Variants in NOP9 observed in about 807,000 individuals in gnomAD.
The protein encoded by NOP9 is NOP9 nucleolar protein.
A neutral mutation model predicts 63.0 loss-of-function variants in NOP9; 50 were observed. The ratio of observed to expected loss-of-function variants is 0.79; its 90% CI spans 0.63 to 1.00. The LOEUF is 1.00. Among genes scored for constraint, NOP9 ranks in the 50% least tolerant of loss-of-function variants. The probability of loss-of-function intolerance (pLI) is 0.00; values close to 1 mark genes in which losing one functional copy is unlikely to be tolerated. For missense variants in NOP9, 758 were observed against 803.0 expected (o/e 0.94, Z 0.68); for synonymous variants, 343 against 332.8 (o/e 1.03, Z -0.33).
rs374035938 is a variant in NOP9, at chr14:24,305,907, A to C, written c.*812A>C. Reference sequence around the variant, plus strand: ...GAGGACGAATTATGGGGACTATCCAACTGTAGGGGATGGGGCAGTATGACA... The same window carrying C: ...GAGGACGAATTATGGGGACTATCCACCTGTAGGGGATGGGGCAGTATGACA... On this transcript the variant is annotated 3_prime_UTR_variant, in exon 10 of 10. Coordinates refer to ENST00000267425, the MANE Select transcript of NOP9 (RefSeq NM_174913.3). 3.8e-6 allele frequency: 6 copies of C among 1,597,304 alleles called. No homozygotes were observed. Among genetic ancestry groups the C allele is most frequent in the Non-Finnish European group, 5.1e-6 (6 of 1,169,788 alleles).
At chr14:24,303,470 G>A (rs1274744152) in intron 6 of NOP9, among the ~76,000 whole-genome samples, 1 of 151,600 alleles carries the variant, frequency 6.6e-6, no homozygotes, top group African/African-American at 2.4e-5. Flanking sequence ...CACCGTGCCC[G>A]GCTGAGGCCA....
chr14:24,303,283 T>C lies in NOP9; in HGVS notation c.1284+69T>C, dbSNP rs912809082. 1.4e-5 allele frequency: 22 copies of C among 1,596,830 alleles called. No homozygotes were observed. In the African/African-American group the frequency reaches 2.5e-4, roughly 18 times the overall value. On this transcript the variant is annotated intron_variant, in intron 6 of 9. Transcript: ENST00000267425. ...CTTCTACCTTTTAGGACTTATCTAA[T>C]CTTAAGTTTTTGTACCTCTGGACTC...
At chr14:24,303,643 C>G (rs1221151392) in intron 6 of NOP9, 89 bp from the exon 7 acceptor site, 209 of 1,416,342 alleles carry the variant, frequency 1.5e-4, no homozygotes, top group East Asian at 1.0e-3. Flanking sequence ...GGAGTTGGGC[C>G]TTCTTTCCTT....
Position 24,300,146 on chromosome 14 carries a change from T to TA in NOP9, c.192_193insA (p.Phe65IlefsTer44). On this transcript the variant is annotated frameshift_variant, in exon 1 of 10. Coordinates refer to ENST00000267425, the MANE Select transcript of NOP9 (RefSeq NM_174913.3). LOFTEE classifies it high-confidence loss of function. ...ACCTGAGCCCGGAAGCTCTGGGATATTTCCGCCGGGCGCTGTCAGCATTGA... is the reference window on the plus strand; with the variant it reads ...ACCTGAGCCCGGAAGCTCTGGGATATATTCCGCCGGGCGCTGTCAGCATTGA... 1 of 1,614,028 alleles carries TA rather than the reference T, an allele frequency of 6.2e-7. No individual in the cohort carries two copies. Among genetic ancestry groups the TA allele is most frequent in the Non-Finnish European group, 8.5e-7 (1 of 1,180,008 alleles).
intron 4 of NOP9, 37 bp downstream of exon 4, chr14:24,302,143 G>A (rs1427605339): frequency 2.9e-5 from 46 of 1,605,030 alleles, no homozygotes; most frequent in Non-Finnish European, 3.9e-5. Context: ...CAAGTTGGCG[G>A]GGCTGTGTGA....
chr14:24,301,826 T>A, intron 3 of NOP9, 104 bp downstream of exon 3: 1 of 1,469,384 alleles, frequency 6.8e-7, no homozygotes, highest in Non-Finnish European at 9.5e-7. Context: ...TTTTCAAACC[T>A]GGTCTGGTTT....
At position 24,305,031 on chromosome 14, in the gene NOP9, G is replaced by C. The variant is rs1437419558; in HGVS notation, c.1847G>C (p.Trp616Ser). 1 of 1,606,604 alleles carries C rather than the reference G, an allele frequency of 6.2e-7. No individual in the cohort carries two copies. Among genetic ancestry groups the C allele is most frequent in the Admixed American group, 1.7e-5 (1 of 58,402 alleles). The change falls in exon 10 of 10, where the codon TGG becomes TCG. Residue 616 changes from tryptophan (W) to serine (S), a missense_variant. Physicochemically the swap from Trp to Ser is radical, Grantham distance 177 (BLOSUM62 -3). Coordinates refer to ENST00000267425, the MANE Select transcript of NOP9 (RefSeq NM_174913.3). ...ACCTTCCTAAAGCGGCGAGAGGCTT[G>C]GGAACAGCAGCAGGGTGCGGTGGCC... ...LTTFLKRREA[W>S]EQQQGAVAKR...
In NOP9 at chr14:24,307,098, T is replaced by C. The variant is rs2041534113; in HGVS notation, c.*2003T>C. On this transcript the variant is annotated 3_prime_UTR_variant, in exon 10 of 10. Transcript: ENST00000267425. The stretch of plus-strand genomic sequence containing the variant: ...GGCAGAATCAGAATTTGAACTTGAT[T>C]TGTCACACAAATCACCTTTCCATAC... 2 of 356,718 alleles carry C rather than the reference T, an allele frequency of 5.6e-6. No homozygotes were observed. Among genetic ancestry groups the C allele is most frequent in the South Asian group, 1.3e-4 (2 of 15,014 alleles). The allele number at this position is 356,718 out of a possible 1,614,324, so 22.1% of individuals were successfully genotyped here.
At chr14:24,271,270 G>A in the NOP9 span, 32 of 975,834 alleles carry the variant, frequency 3.3e-5, no homozygotes, top group Non-Finnish European at 4.7e-5. Context: ...CCCCCAGAGT[G>A]TAAAGAGGTC....
At chr14:24,291,937 C>A in the NOP9 span, 1 of 609,582 alleles carries the variant, frequency 1.6e-6, no homozygotes, top group Non-Finnish European at 2.9e-6. Flanking sequence ...TGGAGCTAGA[C>A]AGCCTTTCCA....
intron 5 of NOP9, 29 bp from the exon 6 acceptor site, chr14:24,303,045 C>A: frequency 6.7e-7 from 1 of 1,500,438 alleles, no homozygotes. Context: ...TACCAGAATG[C>A]CAGAGTTACA....
chr14:24,294,445 CA>C, the NOP9 span: 1 of 152,188 alleles, frequency 6.6e-6, no homozygotes, highest in African/African-American at 2.4e-5. Flanking sequence ...AAAAATTAGC[CA>C]GGCGTGGTGG....
In NOP9 at chr14:24,307,123, C is replaced by G; in HGVS notation, c.*2028C>G. The G allele has an allele frequency of 2.5e-6, 1 of 406,752 alleles. No individual in the cohort carries two copies. Among genetic ancestry groups the G allele is most frequent in the Non-Finnish European group, 4.4e-6 (1 of 226,606 alleles). 25.2% of individuals were successfully genotyped at this position (406,752 alleles called of 1,614,324 possible). Reference sequence around the variant, plus strand: ...TTGTCACACAAATCACCTTTCCATACTAGCTTCTGAATTCTGTCCCTCGAA... The same window carrying G: ...TTGTCACACAAATCACCTTTCCATAGTAGCTTCTGAATTCTGTCCCTCGAA... On this transcript the variant is annotated 3_prime_UTR_variant, in exon 10 of 10. Coordinates refer to ENST00000267425, the MANE Select transcript of NOP9 (RefSeq NM_174913.3).
In NOP9 at chr14:24,300,561, G is replaced by A. The variant is rs571350852; in HGVS notation, c.401G>A (p.Arg134His). The change falls in exon 2 of 10, where the codon CGC (arginine) becomes CAC (histidine). Residue 134 changes from arginine (R) to histidine (H), a missense_variant. Coordinates refer to ENST00000267425, the MANE Select transcript of NOP9 (RefSeq NM_174913.3). ...TGGGCTGCTCTGCGCTCTAACTTGC[G>A]CACTGTGGCCTGTCACCGATGCGGG... is the stretch of plus-strand genomic sequence containing the variant. ...RVWAALRSNL[R>H]TVACHRCGVH... 1.2e-6 allele frequency: 2 copies of A among 1,614,220 alleles called. No homozygotes were observed. The highest frequency in any genetic ancestry group is 1.6e-4 in the Middle Eastern group (1 of 6,062).
chr14:24,286,766 G>A, the NOP9 span, among the ~76,000 whole-genome samples: 1 of 149,722 alleles, frequency 6.7e-6, no homozygotes, highest in Non-Finnish European at 1.5e-5. Flanking sequence ...CTATTTTTTT[G>A]TATTTTTAGT....
At position 24,309,088 on chromosome 14, in the gene NOP9, A is replaced by G. The variant is rs1435787167; in HGVS notation, c.*3993A>G. ...TGTGAGGATACGCTGTAGCCCACTC[A>G]TTAAGTACATTCTCCTAATAAATGC... is the stretch of plus-strand genomic sequence containing the variant. On this transcript the variant is annotated 3_prime_UTR_variant, in exon 10 of 10. Coordinates refer to ENST00000267425, the MANE Select transcript of NOP9 (RefSeq NM_174913.3). The G allele has an allele frequency of 2.0e-5, 3 of 152,278 alleles. No individual in the cohort carries two copies. The highest frequency in any genetic ancestry group is 4.4e-5 in the Non-Finnish European group (3 of 68,052). The allele number at this position is 152,278 out of a possible 1,614,324, so 9.4% of individuals were successfully genotyped here.
the NOP9 span, chr14:24,291,834 T>G: frequency 1.6e-6 from 1 of 622,818 alleles, no homozygotes; most frequent in South Asian, 1.9e-5. Context: ...GGCACCAGGA[T>G]CTGCTGTCTT....
chr14:24,307,533 A>G lies in NOP9; in HGVS notation c.*2438A>G, dbSNP rs201740946. 2.3e-4 allele frequency: 374 copies of G among 1,610,658 alleles called. 1 individual carries two copies. Among genetic ancestry groups the G allele is most frequent in the Non-Finnish European group, 3.0e-4 (357 of 1,177,818 alleles). ...ATACTGACCTGGTAGTTGAGAAGAA[A>G]AGTCAAGAAGGGGCGAGGAGGGGCT... On this transcript the variant is annotated 3_prime_UTR_variant, in exon 10 of 10. Transcript: ENST00000267425.
Position 24,303,138 on chromosome 14 carries a change from G to T in NOP9, c.1208G>T (p.Gly403Val). ...GCTGTATTGGCCCAGGGCCACCCAGGGGTAGTCATTGCCCTGGTGGGGGCC... is the reference window on the plus strand; with the variant it reads ...GCTGTATTGGCCCAGGGCCACCCAGTGGTAGTCATTGCCCTGGTGGGGGCC... ...LEAVLAQGHPGVVIALVGACR... is the reference protein window; with the variant it reads ...LEAVLAQGHPVVVIALVGACR... Residue 403 changes from glycine to valine, a missense_variant, in exon 6 of 10, where the codon GGG becomes GTG. Coordinates refer to ENST00000267425, the MANE Select transcript of NOP9 (RefSeq NM_174913.3). 1 of 1,613,088 alleles carries T rather than the reference G, an allele frequency of 6.2e-7. No individual in the cohort carries two copies. Among genetic ancestry groups the T allele is most frequent in the Admixed American group, 1.7e-5 (1 of 59,864 alleles).
Sources: gnomAD v4.1 joint callset for allele counts (sites outside exome capture counted in the v4.1 genomes callset) on GRCh38, gnomAD v4.1.1 for gene constraint, MANE v1.5 for transcripts, NCBI Gene and HGNC (gene_info 2026-07-23, HGNC 2026-07-21) for gene names.